TTC21A: variants seen among roughly 807,000 people sequenced by gnomAD.
TTC21A encodes tetratricopeptide repeat domain 21A.
A neutral mutation model predicts 156.4 loss-of-function variants in TTC21A; 128 were observed. The observed-to-expected ratio is 0.82, with a 90% CI of 0.71 to 0.95. The LOEUF (loss-of-function observed/expected upper bound fraction) is 0.95, where lower values mean the gene tolerates loss of function less well. TTC21A is among the 40% of genes least tolerant of loss of function. TTC21A has a pLI of 0.00. For synonymous variants in TTC21A, 587 were observed against 617.1 expected (o/e 0.95, Z 0.72); for missense variants, 1,435 against 1,602.3 (o/e 0.90, Z 1.78).
In TTC21A at chr3:39,137,582, A is replaced by T; in HGVS notation, c.3547A>T (p.Thr1183Ser). ...ARMQLKRLAK[T>S]PWVLSEAEDL... ...TATGCAGTTGAAGCGCCTGGCCAAGACCCCCTGGGTGCTGAGTGAGGCTGA... is the reference window on the plus strand; with the variant it reads ...TATGCAGTTGAAGCGCCTGGCCAAGTCCCCCTGGGTGCTGAGTGAGGCTGA... The change falls in exon 26 of 29, where the codon ACC becomes TCC. Residue 1183 changes from threonine (T) to serine (S), a missense_variant. Thr to Ser is a moderately conservative substitution (Grantham distance 58). Transcript: ENST00000683103. The T allele has an allele frequency of 6.2e-7, 1 of 1,613,992 alleles. No homozygotes were observed. Among genetic ancestry groups the T allele is most frequent in the Non-Finnish European group, 8.5e-7 (1 of 1,179,996 alleles).
chr3:39,121,295 A>G (rs2037748485), intron 9 of TTC21A, 106 bp downstream of exon 9: 2 of 1,043,906 alleles, frequency 1.9e-6, no homozygotes, highest in Non-Finnish European at 2.8e-6. Flanking sequence ...CTTGAAGGGT[A>G]TGTGAATTTT....
chr3:39,127,152 G>T (rs1345777730), intron 12 of TTC21A, among the ~76,000 whole-genome samples: 1 of 152,138 alleles, frequency 6.6e-6, no homozygotes, highest in Admixed American at 6.5e-5. Flanking sequence ...TCTTCCATGG[G>T]TGCTCTATTG....
Position 39,137,018 on chromosome 3 carries a change from T to G in TTC21A, c.3215T>G (p.Val1072Gly). 1 of 1,612,742 alleles carries G rather than the reference T, an allele frequency of 6.2e-7. No individual in the cohort carries two copies. Among genetic ancestry groups the G allele is most frequent in the Non-Finnish European group, 8.5e-7 (1 of 1,179,652 alleles). The change falls in exon 24 of 29, where the codon GTT becomes GGT. Residue 1072 changes from valine (V) to glycine (G), a missense_variant. Transcript: ENST00000683103. ...ATCTGTCTGAATCCAGACAACGAGG[T>G]TGTGGGCGGAGAGGCTTTTGAGAAC... Reference protein sequence around the residue: ...VQICLNPDNEVVGGEAFENQG... With the variant: ...VQICLNPDNEGVGGEAFENQG...
At chr3:39,113,460 G>A (rs2037002696) in intron 5 of TTC21A, among the ~76,000 whole-genome samples, 1 of 152,216 alleles carries the variant, frequency 6.6e-6, no homozygotes, top group African/African-American at 2.4e-5. Context: ...CTCCCCATCA[G>A]TGCCTTGACA....
chr3:39,119,184 A>G (rs754088658), intron 7 of TTC21A: 5 of 152,242 alleles, frequency 3.3e-5, no homozygotes, highest in East Asian at 3.9e-4. Flanking sequence ...CTGGCTACCC[A>G]GTTCTAATTT....
At position 39,138,388 on chromosome 3, in the gene TTC21A, G is replaced by T; in HGVS notation, c.3796+1G>T. 1 of 1,614,024 alleles carries T rather than the reference G, an allele frequency of 6.2e-7. No individual in the cohort carries two copies. Among genetic ancestry groups the T allele is most frequent in the Non-Finnish European group, 8.5e-7 (1 of 1,179,936 alleles). On this transcript the variant is annotated splice_donor_variant, in intron 27 of 28. Transcript: ENST00000683103. LOFTEE classifies it high-confidence loss of function. ...AGTCATCACGCCAACCCTGCCATTG[G>T]TAAGGCAACCAGCCAGGGTGCACGT... is the stretch of plus-strand genomic sequence containing the variant.
Position 39,137,388 on chromosome 3 carries a change from GT to G in TTC21A, c.3450+2del. ...CTTCATCCAGATAGCGCAGGCTGAGGTGTGGCTGGTGGGGACTGGCGGGCAT... is the reference window on the plus strand; with the variant it reads ...CTTCATCCAGATAGCGCAGGCTGAGGGTGGCTGGTGGGGACTGGCGGGCAT... On this transcript the variant is annotated splice_donor_variant, in intron 25 of 28. Coordinates refer to ENST00000683103, the MANE Select transcript of TTC21A (RefSeq NM_001366900.1). LOFTEE classifies it high-confidence loss of function. 6.2e-7 allele frequency: 1 copy of G among 1,612,436 alleles called. No homozygotes were observed. Among genetic ancestry groups the G allele is most frequent in the East Asian group, 2.2e-5 (1 of 44,852 alleles).
Position 39,128,433 on chromosome 3 carries a change from G to A in TTC21A, c.1625G>A (p.Gly542Asp), listed in dbSNP as rs976373572. ...LLMCQIYLAQ[G>D]NFGMCFHCLE... The stretch of plus-strand genomic sequence containing the variant: ...ATGTGTCAGATCTACTTGGCTCAGG[G>A]CAACTTTGGCATGTGCTTCCACTGC... Residue 542 changes from glycine (G) to aspartate (D), a missense_variant, in exon 13 of 29, where the codon GGC (glycine) becomes GAC (aspartate). Gly to Asp is a moderately conservative substitution (Grantham distance 94). Transcript: ENST00000683103. The A allele has an allele frequency of 1.2e-6, 2 of 1,614,072 alleles. No individual in the cohort carries two copies. Among genetic ancestry groups the A allele is most frequent in the African/African-American group, 1.3e-5 (1 of 74,918 alleles).
At chr3:39,127,288 T>C (rs912063623) in intron 12 of TTC21A, among the ~76,000 whole-genome samples, 1 of 152,236 alleles carries the variant, frequency 6.6e-6, no homozygotes, top group Admixed American at 6.5e-5. Flanking sequence ...CAGAATACTG[T>C]GGCCATTTGT....
chr3:39,110,187 AGCCCT>A lies in TTC21A; in HGVS notation c.268+53_268+57del, dbSNP rs775224455. The A allele has an allele frequency of 2.1e-6, 3 of 1,430,168 alleles. No individual in the cohort carries two copies. The South Asian group carries it at 3.5e-5, about 17-fold the overall frequency. The allele number at this position is 1,430,168 out of a possible 1,614,324, so 88.6% of individuals were successfully genotyped here. Reference sequence around the variant, plus strand: ...AGGCCTGACCCACCAGGGGAAGGAAAGCCCTGCCCCAGAGATAACACAGCCCCTCA... The same window carrying A: ...AGGCCTGACCCACCAGGGGAAGGAAAGCCCCAGAGATAACACAGCCCCTCA... On this transcript the variant is annotated intron_variant, in intron 3 of 28. Coordinates refer to ENST00000683103, the MANE Select transcript of TTC21A (RefSeq NM_001366900.1).
In TTC21A at chr3:39,137,587, C is replaced by T. The variant is rs376254793; in HGVS notation, c.3552C>T (p.Pro1184=). ...AGTTGAAGCGCCTGGCCAAGACCCC[C>T]TGGGTGCTGAGTGAGGCTGAGGACC... ...RMQLKRLAKT[P]WVLSEAEDLE... The change falls in exon 26 of 29, where the codon CCC becomes CCT. Residue 1184 remains proline, a synonymous_variant. Transcript: ENST00000683103. The T allele has an allele frequency of 6.8e-6, 11 of 1,614,248 alleles. No individual in the cohort carries two copies. In the African/African-American group the frequency reaches 1.5e-4, roughly 22 times the overall value.
At chr3:39,125,002 T>C in intron 9 of TTC21A, 61 bp from the exon 10 acceptor site, 1 of 1,092,924 alleles carries the variant, frequency 9.1e-7, no homozygotes, top group Non-Finnish European at 1.4e-6. Context: ...CCCCTTGACC[T>C]GATGGGCTGC....
Position 39,129,212 on chromosome 3 carries a change from C to T in TTC21A, c.2037C>T (p.Ile679=), listed in dbSNP as rs190533016. The change falls in exon 15 of 29, where the codon ATC becomes ATT. Residue 679 remains isoleucine (I), a synonymous_variant. Transcript: ENST00000683103. The part of the protein sequence containing the change: ...VDVALNMLRN[I]LPKQSCYMEA... ...TGGCGCTGAACATGCTAAGGAACATCTTGCCCAAGCAGTCCTGCTATATGG... is the reference window on the plus strand; with the variant it reads ...TGGCGCTGAACATGCTAAGGAACATTTTGCCCAAGCAGTCCTGCTATATGG... The T allele has an allele frequency of 4.1e-4, 655 of 1,614,240 alleles. 3 individuals are homozygous for T. In the African/African-American group the frequency reaches 7.4e-3, roughly 18 times the overall value.
At chr3:39,124,952 C>G in intron 9 of TTC21A, 111 bp from the exon 10 acceptor site, 2 of 752,612 alleles carry the variant, frequency 2.7e-6, no homozygotes, top group South Asian at 2.9e-5. Context: ...GGAAAAGATC[C>G]CCTACACTGA....
At position 39,110,012 on chromosome 3, in the gene TTC21A, G is replaced by A. The variant is rs747528692; in HGVS notation, c.158-17G>A. ...TCCTGGAGCTTGAGAGTATAACTAT[G>A]TGGACTGTCTTTGCAGAGCACATCC... On this transcript the variant is annotated splice_polypyrimidine_tract_variant and intron_variant, in intron 2 of 28. Coordinates refer to ENST00000683103, the MANE Select transcript of TTC21A (RefSeq NM_001366900.1). The A allele has an allele frequency of 1.1e-5, 17 of 1,592,240 alleles. No individual in the cohort carries two copies. The African/African-American group carries it at 1.5e-4, about 14-fold the overall frequency.
At chr3:39,137,812 A>G in intron 26 of TTC21A, 102 bp downstream of exon 26, 1 of 1,279,670 alleles carries the variant, frequency 7.8e-7, no homozygotes, top group Non-Finnish European at 1.1e-6. Flanking sequence ...ATATGGAATA[A>G]GAACTAGTCG....
chr3:39,125,824 CAG>C (rs2038185045), intron 11 of TTC21A, among the ~76,000 whole-genome samples: 1 of 152,244 alleles, frequency 6.6e-6, no homozygotes, highest in South Asian at 2.1e-4. Flanking sequence ...CTTGGAAGAA[CAG>C]GGCACCGGCC....
intron 22 of TTC21A, 135 bp downstream of exon 22, chr3:39,135,309 C>G (rs1011108756): frequency 6.4e-6 from 5 of 781,514 alleles, no homozygotes; most frequent in East Asian, 5.2e-5. Context: ...TCCAGAGAAG[C>G]AGGAAACTGA....
At chr3:39,114,517 C>A (rs1274376250) in intron 5 of TTC21A, 68 bp from the exon 6 acceptor site, 3 of 1,502,498 alleles carry the variant, frequency 2.0e-6, no homozygotes, top group Non-Finnish European at 2.8e-6. Flanking sequence ...ACAGAGACAA[C>A]CCCCCTCCAG....
Sources: gnomAD v4.1 joint callset for allele counts (sites outside exome capture counted in the v4.1 genomes callset) on GRCh38, gnomAD v4.1.1 for gene constraint, MANE v1.5 for transcripts, NCBI Gene and HGNC (gene_info 2026-07-23, HGNC 2026-07-21) for gene names.